Variants in SPOCK3 observed in about 807,000 individuals in gnomAD.
The protein encoded by SPOCK3 is testican-3.
A neutral mutation model predicts 56.6 loss-of-function variants in SPOCK3; 30 were observed. The ratio of observed to expected loss-of-function variants is 0.53; its 90% CI spans 0.40 to 0.72. The LOEUF (loss-of-function observed/expected upper bound fraction) is 0.72. Ranked by LOEUF, SPOCK3 falls within the 30% of genes least tolerant of loss-of-function variation. The pLI is 0.00. For missense variants in SPOCK3, 527 were observed against 530.0 expected (o/e 0.99, Z 0.06); for synonymous variants, 196 against 183.3 (o/e 1.07, Z -0.56).
At chr4:167,057,603 A>C (rs554449371) in intron 3 of SPOCK3, among the ~76,000 whole-genome samples, 1 of 152,238 alleles carries the variant, frequency 6.6e-6, no homozygotes, top group African/African-American at 2.4e-5. Flanking sequence ...TCTACCAAGC[A>C]AATGGAAAAC....
chr4:167,064,551 T>C (rs1755919739), intron 2 of SPOCK3, among the ~76,000 whole-genome samples: 1 of 151,846 alleles, frequency 6.6e-6, no homozygotes, highest in Non-Finnish European at 1.5e-5. Context: ...TGTATCTTAC[T>C]ATTTGAGGAT....
intron 4 of SPOCK3, among the ~76,000 whole-genome samples, chr4:166,988,980 T>C (rs1747471058): frequency 6.6e-6 from 1 of 152,082 alleles, no homozygotes; most frequent in Admixed American, 6.6e-5. Flanking sequence ...TAAAGAATTT[T>C]CCAGATCCAA....
intron 4 of SPOCK3, among the ~76,000 whole-genome samples, chr4:166,933,973 A>G (rs969455982): frequency 3.3e-5 from 5 of 152,146 alleles, no homozygotes; most frequent in Admixed American, 2.6e-4. Flanking sequence ...CAGGTCCTCT[A>G]TCTGTGACCC....
At chr4:166,837,868 A>G (rs62353209) in intron 6 of SPOCK3, among the ~76,000 whole-genome samples, 4,279 of 152,112 alleles carry the variant, frequency 0.028, 59 homozygotes, top group Middle Eastern at 0.048. Context: ...GGTTGCTACA[A>G]ATTTTCTTAG....
At chr4:166,940,834 G>T (rs1246580754) in intron 4 of SPOCK3, among the ~76,000 whole-genome samples, 1 of 144,818 alleles carries the variant, frequency 6.9e-6, no homozygotes, top group Non-Finnish European at 1.5e-5. Context: ...AGTGCTTACT[G>T]GTAACTCCTC....
intron 4 of SPOCK3, among the ~76,000 whole-genome samples, chr4:166,920,835 T>A (rs1263805123): frequency 1.3e-5 from 2 of 152,202 alleles, no homozygotes; most frequent in Non-Finnish European, 2.9e-5. Context: ...AAAATTTTCT[T>A]AACAGAAGCC....
chr4:166,911,780 G>C (rs1198514730), intron 5 of SPOCK3, among the ~76,000 whole-genome samples: 1 of 151,992 alleles, frequency 6.6e-6, no homozygotes, highest in Admixed American at 6.6e-5. Context: ...CAGGTAATCT[G>C]CCCACCTTGG....
chr4:166,766,576 T>G (rs1426859945), intron 7 of SPOCK3, among the ~76,000 whole-genome samples: 1 of 152,214 alleles, frequency 6.6e-6, no homozygotes, highest in African/African-American at 2.4e-5. Flanking sequence ...GATGTGCTGC[T>G]GGATTCGGTT....
chr4:167,119,820 T>G, intron 2 of SPOCK3: 1 of 1,534,654 alleles, frequency 6.5e-7, no homozygotes, highest in Non-Finnish European at 8.7e-7. Flanking sequence ...GACATGTGGA[T>G]GTGATCTTGT....
In SPOCK3 at chr4:166,781,845, A is replaced by C. The variant is rs191983261; in HGVS notation, c.709+10325T>G. On this transcript the variant is annotated intron_variant, in intron 7 of 10. Transcript: ENST00000357545. ...TTGTCAGCTGAAACCCACAAGCCAG[A>C]AACAGCGGCATGACAGGGGTAACAT... is the stretch of plus-strand genomic sequence containing the variant. Among the ~76,000 whole-genome samples, 36 of 152,298 alleles carry C rather than the reference A, an allele frequency of 2.4e-4. No homozygotes were observed. In the East Asian group the frequency reaches 6.6e-3, roughly 28 times the overall value.
At chr4:167,049,432 A>G (rs972610002) in intron 3 of SPOCK3, among the ~76,000 whole-genome samples, 1 of 152,178 alleles carries the variant, frequency 6.6e-6, no homozygotes, top group African/African-American at 2.4e-5. Context: ...CGTGAAAGCA[A>G]ACAAACACAC....
At chr4:166,840,817 C>G (rs531234407) in intron 6 of SPOCK3, among the ~76,000 whole-genome samples, 2 of 128,754 alleles carry the variant, frequency 1.6e-5, no homozygotes, top group East Asian at 4.9e-4. Flanking sequence ...CTCGCTCTGT[C>G]GCCCAGGCTG....
At chr4:167,209,868 G>C (rs947972196) in intron 2 of SPOCK3, among the ~76,000 whole-genome samples, 3 of 152,068 alleles carry the variant, frequency 2.0e-5, no homozygotes, top group Admixed American at 2.0e-4. Context: ...AAAAAAAGCA[G>C]AACTTAATGG....
intron 4 of SPOCK3, among the ~76,000 whole-genome samples, chr4:166,981,442 C>T (rs1279809985): frequency 1.3e-5 from 2 of 152,062 alleles, no homozygotes; most frequent in East Asian, 1.9e-4. Context: ...TGGGTAGCTC[C>T]TTTCTGCAGG....
At chr4:167,152,297 A>G (rs1171839343) in intron 2 of SPOCK3, among the ~76,000 whole-genome samples, 1 of 152,198 alleles carries the variant, frequency 6.6e-6, no homozygotes, top group African/African-American at 2.4e-5. Flanking sequence ...TCAAAGTTTC[A>G]GTGTACACAG....
intron 2 of SPOCK3, among the ~76,000 whole-genome samples, chr4:167,180,531 T>C (rs528419909): frequency 1.3e-5 from 2 of 152,326 alleles, no homozygotes; most frequent in African/African-American, 4.8e-5. Flanking sequence ...TCTATAAATA[T>C]GTAAATAGGT....
intron 8 of SPOCK3, among the ~76,000 whole-genome samples, chr4:166,750,119 A>G (rs1736188692): frequency 6.6e-6 from 1 of 152,134 alleles, no homozygotes; most frequent in South Asian, 2.1e-4. Flanking sequence ...CAAGAAAATC[A>G]TGACTGATTG....
At chr4:166,963,383 C>T (rs994598986) in intron 4 of SPOCK3, among the ~76,000 whole-genome samples, 2 of 151,938 alleles carry the variant, frequency 1.3e-5, no homozygotes, top group Non-Finnish European at 2.9e-5. Flanking sequence ...AAAAGAATGA[C>T]ACAGATGCTT....
At chr4:166,900,340 A>T (rs1313145870) in intron 5 of SPOCK3, among the ~76,000 whole-genome samples, 1 of 152,106 alleles carries the variant, frequency 6.6e-6, no homozygotes, top group Non-Finnish European at 1.5e-5. Flanking sequence ...ATTGTTGGGC[A>T]TTGGGATTGG....
Sources: gnomAD v4.1 joint callset for allele counts (sites outside exome capture counted in the v4.1 genomes callset) on GRCh38, gnomAD v4.1.1 for gene constraint, MANE v1.5 for transcripts, NCBI Gene and HGNC (gene_info 2026-07-23, HGNC 2026-07-21) for gene names.